Variants in CNTNAP2 observed in about 807,000 individuals in gnomAD.
The protein encoded by CNTNAP2 is contactin associated protein 2.
Under a neutral mutation model 155.2 loss-of-function variants are expected in CNTNAP2, and 98 were observed. The ratio of observed to expected loss-of-function variants is 0.63; its 90% CI spans 0.54 to 0.75. The LOEUF (loss-of-function observed/expected upper bound fraction) is 0.75. CNTNAP2 is among the 30% of genes least tolerant of loss of function. The pLI is 0.00. For missense variants in CNTNAP2, 1,727 were observed against 1,688.1 expected, an observed-to-expected ratio of 1.02 and a Z score of -0.40; for synonymous variants, 651 against 631.2, an observed-to-expected ratio of 1.03 and a Z score of -0.47.
At chr7:147,387,355 C>T (rs929074876) in intron 9 of CNTNAP2, among the ~76,000 whole-genome samples, 5 of 152,260 alleles carry the variant, frequency 3.3e-5, no homozygotes, top group South Asian at 4.1e-4. Flanking sequence ...AGTCATTTGT[C>T]GCTTGTCCTG....
intron 14 of CNTNAP2, among the ~76,000 whole-genome samples, chr7:147,948,787 G>A (rs1015477117): frequency 6.6e-6 from 1 of 151,784 alleles, no homozygotes; most frequent in African/African-American, 2.4e-5. Flanking sequence ...ACCACTAATA[G>A]CCTACCGTTG....
At chr7:146,598,523 A>G (rs1303912785) in intron 1 of CNTNAP2, among the ~76,000 whole-genome samples, 2 of 152,042 alleles carry the variant, frequency 1.3e-5, no homozygotes, top group Non-Finnish European at 2.9e-5. Context: ...AGTGTTACCA[A>G]TGGTTTTCAC....
chr7:147,445,091 A>C (rs902548478), intron 10 of CNTNAP2, among the ~76,000 whole-genome samples: 3 of 152,144 alleles, frequency 2.0e-5, no homozygotes, highest in Non-Finnish European at 4.4e-5. Flanking sequence ...ACCTCCCACC[A>C]CATCCCTCCC....
chr7:147,313,186 C>T (rs1795157648), intron 9 of CNTNAP2, among the ~76,000 whole-genome samples: 1 of 151,802 alleles, frequency 6.6e-6, no homozygotes. Flanking sequence ...GAGCAGGTTG[C>T]AAAACTTTTC....
chr7:147,216,845 C>T (rs1045751995), intron 8 of CNTNAP2, among the ~76,000 whole-genome samples: 3 of 151,844 alleles, frequency 2.0e-5, no homozygotes, highest in African/African-American at 7.3e-5. Context: ...TTAGTTTGTC[C>T]TTGATTTCTT....
intron 15 of CNTNAP2, among the ~76,000 whole-genome samples, chr7:148,005,948 C>A (rs1801969418): frequency 6.6e-6 from 1 of 152,108 alleles, no homozygotes; most frequent in African/African-American, 2.4e-5. Flanking sequence ...GATTCACAGT[C>A]CCTGCTTTCA....
intron 13 of CNTNAP2, among the ~76,000 whole-genome samples, chr7:147,777,854 C>G (rs1029763241): frequency 1.3e-5 from 2 of 152,156 alleles, no homozygotes; most frequent in African/African-American, 4.8e-5. Context: ...CTAAGTGCAT[C>G]ATTTTGTTCT....
chr7:146,459,952 A>C (rs570444064), intron 1 of CNTNAP2, among the ~76,000 whole-genome samples: 1 of 152,272 alleles, frequency 6.6e-6, no homozygotes, highest in South Asian at 2.1e-4. Context: ...GCTGGGTGAC[A>C]GAGCGAGACT....
intron 13 of CNTNAP2, among the ~76,000 whole-genome samples, chr7:147,775,365 A>ATATATATATT (rs1797564251): frequency 3.0e-5 from 1 of 33,470 alleles, no homozygotes; most frequent in African/African-American, 5.0e-4. Context: ...ATATTTATAA[A>ATATATATATT]TATATATATA....
chr7:146,407,538 C>A (rs921614364), intron 1 of CNTNAP2, among the ~76,000 whole-genome samples: 6 of 152,104 alleles, frequency 3.9e-5, no homozygotes, highest in Non-Finnish European at 7.3e-5. Flanking sequence ...GCCACGGCTA[C>A]GCAAGCTTTG....
In CNTNAP2 at chr7:147,163,842, T is replaced by A. The variant is rs534025753; in HGVS notation, c.1348+31333T>A. On this transcript the variant is annotated intron_variant, in intron 8 of 23. Coordinates refer to ENST00000361727, the MANE Select transcript of CNTNAP2 (RefSeq NM_014141.6). ...TTTCCCATTTTCTACATTTTCTGTT[T>A]TTGAACAAAATCATCTTAGTTTTTC... 2.0e-5 allele frequency among the ~76,000 whole-genome samples: 3 copies of A among 152,330 alleles called. No individual in the cohort carries two copies. In the East Asian group the frequency reaches 5.8e-4, roughly 29 times the overall value.
At chr7:147,679,464 T>C (rs1795916052) in intron 13 of CNTNAP2, among the ~76,000 whole-genome samples, 2 of 151,908 alleles carry the variant, frequency 1.3e-5, no homozygotes, top group African/African-American at 4.8e-5. Flanking sequence ...ATTGAGGAAG[T>C]AGATTAAAAG....
chr7:146,678,388 A>G (rs1800442005), intron 1 of CNTNAP2, among the ~76,000 whole-genome samples: 1 of 152,150 alleles, frequency 6.6e-6, no homozygotes, highest in Non-Finnish European at 1.5e-5. Flanking sequence ...TGTCATATTT[A>G]TTACCTTAAT....
chr7:146,118,186 C>T (rs1797514138), intron 1 of CNTNAP2, among the ~76,000 whole-genome samples: 1 of 152,022 alleles, frequency 6.6e-6, no homozygotes, highest in African/African-American at 2.4e-5. Context: ...GGTTATGAGC[C>T]AGTATTACTG....
intron 8 of CNTNAP2, among the ~76,000 whole-genome samples, chr7:147,214,405 C>A (rs1441173030): frequency 6.6e-6 from 1 of 152,006 alleles, no homozygotes; most frequent in Non-Finnish European, 1.5e-5. Flanking sequence ...CCTTGGTTTG[C>A]TCCTTTGTAA....
intron 4 of CNTNAP2, among the ~76,000 whole-genome samples, chr7:147,089,595 G>A (rs991285383): frequency 6.6e-6 from 1 of 152,068 alleles, no homozygotes. Flanking sequence ...TACAAAAATT[G>A]GAAATAAGTC....
At chr7:148,244,970 G>A (rs1442643587) in intron 20 of CNTNAP2, among the ~76,000 whole-genome samples, 1 of 151,894 alleles carries the variant, frequency 6.6e-6, no homozygotes. Context: ...TATAGATTTT[G>A]AAAAAATAAA....
chr7:146,744,129 G>A (rs548768000), intron 1 of CNTNAP2, among the ~76,000 whole-genome samples: 1 of 149,574 alleles, frequency 6.7e-6, no homozygotes, highest in African/African-American at 2.5e-5. Flanking sequence ...TTGGGAGGCT[G>A]AGGCAGGAGA....
At chr7:146,317,086 T>C (rs1800920096) in intron 1 of CNTNAP2, among the ~76,000 whole-genome samples, 1 of 152,248 alleles carries the variant, frequency 6.6e-6, no homozygotes, top group Non-Finnish European at 1.5e-5. Context: ...TAAACATTTG[T>C]ATTTTCTTAG....
Sources: gnomAD v4.1 joint callset for allele counts (sites outside exome capture counted in the v4.1 genomes callset) on GRCh38, gnomAD v4.1.1 for gene constraint, MANE v1.5 for transcripts, NCBI Gene and HGNC (gene_info 2026-07-23, HGNC 2026-07-21) for gene names.